The following RACK1 variants were observed in gnomAD, a reference collection of about 807,000 sequenced individuals.
RACK1 encodes the protein receptor for activated C kinase 1, also known as small ribosomal subunit protein RACK1.
Under a neutral mutation model 42.2 loss-of-function variants are expected in RACK1, and 3 were observed. The ratio of observed to expected loss-of-function variants is 0.07; its 90% CI spans 0.03 to 0.18. The LOEUF is 0.18. Among genes scored for constraint, RACK1 ranks in the 10% least tolerant of loss-of-function variants. RACK1 has a pLI of 1.00. For missense variants in RACK1, 146 were observed against 403.2 expected (o/e 0.36, Z 5.46); for synonymous variants, 181 against 154.8 (o/e 1.17, Z -1.25).
chr5:181,237,177 C>G (rs1759168996), intron 7 of RACK1, 135 bp from the exon 8 acceptor site: 1 of 1,499,430 alleles, frequency 6.7e-7, no homozygotes, highest in Non-Finnish European at 9.1e-7. Context: ...GGGTGCGATC[C>G]TGGCTCACTA....
intron 6 of RACK1, 167 bp from the exon 7 acceptor site, chr5:181,237,886 A>G: frequency 1.5e-6 from 1 of 660,092 alleles, no homozygotes; most frequent in South Asian, 1.8e-5. Flanking sequence ...ATGGTTTGCT[A>G]CTGACATCTA....
intron 2 of RACK1, 64 bp downstream of exon 2, chr5:181,242,110 G>T: frequency 1.4e-6 from 2 of 1,419,172 alleles, no homozygotes; most frequent in Non-Finnish European, 2.0e-6. Context: ...CCAGCCAATT[G>T]CATCCACCTC....
chr5:181,242,467 G>T, intron 1 of RACK1, 122 bp from the exon 2 acceptor site: 1 of 695,674 alleles, frequency 1.4e-6, no homozygotes, highest in South Asian at 1.7e-5. Context: ...GCTTAAGGAG[G>T]GATGGAAACA....
chr5:181,243,120 C>G, intron 1 of RACK1: 1 of 505,220 alleles, frequency 2.0e-6, no homozygotes, highest in Non-Finnish European at 3.3e-6. Context: ...CGATTAACAG[C>G]CAGACATGAT....
chr5:181,241,748 T>C lies in RACK1; in HGVS notation c.282-109A>G, dbSNP rs796586350. ...TCTCATTGCATCACTCATACAACCC[T>C]GGATTTGGCTCTGATCACAGAGTCA... On this transcript the variant is annotated intron_variant, in intron 2 of 7. Coordinates refer to ENST00000512805, the MANE Select transcript of RACK1 (RefSeq NM_006098.5). The C allele has an allele frequency of 9.8e-6, 12 of 1,218,744 alleles. No individual in the cohort carries two copies. In the African/African-American group the frequency reaches 1.3e-4, roughly 14 times the overall value. 75.5% of individuals were successfully genotyped at this position (1,218,744 alleles called of 1,614,324 possible). A position where few individuals can be genotyped will look rare whatever the true frequency, so the allele number is the denominator to read the frequency against.
intron 3 of RACK1, 135 bp downstream of exon 3, chr5:181,241,357 G>A (rs1259010152): frequency 3.1e-5 from 23 of 731,668 alleles, no homozygotes; most frequent in East Asian, 1.3e-4. Context: ...TTGAGCCCGG[G>A]AGGCAGAGGT....
chr5:181,243,042 G>C (rs1234153236), intron 1 of RACK1: 8 of 357,156 alleles, frequency 2.2e-5, no homozygotes, highest in African/African-American at 1.3e-4. Flanking sequence ...ATGAATGCTG[G>C]AAAAGCCACT....
chr5:181,239,792 C>T (rs1759271066), intron 3 of RACK1, among the ~76,000 whole-genome samples: 1 of 152,202 alleles, frequency 6.6e-6, no homozygotes, highest in Non-Finnish European at 1.5e-5. Flanking sequence ...AAGCTCACGC[C>T]TCTAATCCCA....
In RACK1 at chr5:181,237,601, C is replaced by T. The variant is rs774000057; in HGVS notation, c.888+8G>A. On this transcript the variant is annotated splice_region_variant and intron_variant, in intron 7 of 7. Transcript: ENST00000512805. ...AGCAGAATCACCTGAGAGGACAGAC[C>T]CACTTACCTGGCCATCAGCAGACCA... 16 of 1,458,636 alleles carry T rather than the reference C, an allele frequency of 1.1e-5. No individual in the cohort carries two copies. The South Asian group carries it at 1.7e-4, about 16-fold the overall frequency. 90.4% of individuals were successfully genotyped at this position (1,458,636 alleles called of 1,614,324 possible).
At position 181,238,835 on chromosome 5, in the gene RACK1, CAAA is replaced by C. The variant is rs911013530; in HGVS notation, c.636+229_636+231del. The C allele has an allele frequency of 5.4e-4, 270 of 500,384 alleles. 2 individuals are homozygous for C. Among genetic ancestry groups the C allele is most frequent in the Middle Eastern group, 1.0e-3 (2 of 1,906 alleles). The allele number at this position is 500,384 out of a possible 1,614,324, so 31.0% of individuals were successfully genotyped here. On this transcript the variant is annotated intron_variant, in intron 5 of 7. Transcript: ENST00000512805. Reference sequence around the variant, plus strand: ...AAAAAACAAACAAACAAAAAAACAACAAAAAAAACCCACAGGCTTATAGAAAAT... The same window carrying C: ...AAAAAACAAACAAACAAAAAAACAACAAAAACCCACAGGCTTATAGAAAAT...
At chr5:181,241,745 C>A in intron 2 of RACK1, 106 bp from the exon 3 acceptor site, 1 of 1,258,930 alleles carries the variant, frequency 7.9e-7, no homozygotes. Flanking sequence ...ACTCATACAA[C>A]CCTGGATTTG....
chr5:181,239,717 T>C (rs537435460), intron 3 of RACK1, 135 bp from the exon 4 acceptor site: 53 of 592,220 alleles, frequency 8.9e-5, no homozygotes, highest in Non-Finnish European at 1.2e-4. Context: ...TTAAGCTCAA[T>C]AGAATCCCTT....
intron 3 of RACK1, 137 bp downstream of exon 3, chr5:181,241,355 G>A (rs1429954775): frequency 2.4e-5 from 17 of 721,570 alleles, no homozygotes; most frequent in Non-Finnish European, 3.2e-5. Flanking sequence ...CCTTGAGCCC[G>A]GGAGGCAGAG....
At chr5:181,239,786 T>C (rs1410126605) in intron 3 of RACK1, among the ~76,000 whole-genome samples, 1 of 152,180 alleles carries the variant, frequency 6.6e-6, no homozygotes, top group Non-Finnish European at 1.5e-5. Flanking sequence ...ACGCAGAAGC[T>C]CACGCCTCTA....
chr5:181,238,069 G>C (rs1190061609), intron 6 of RACK1, 30 bp downstream of exon 6: 2 of 1,612,420 alleles, frequency 1.2e-6, no homozygotes, highest in Non-Finnish European at 1.7e-6. Context: ...AGTGCAGCCA[G>C]GTACCCAGTC....
At chr5:181,238,951 T>C in intron 5 of RACK1, 116 bp downstream of exon 5, 1 of 779,708 alleles carries the variant, frequency 1.3e-6, no homozygotes, top group Non-Finnish European at 2.4e-6. Context: ...ATTATCTCAT[T>C]ATCCTCCTAA....
intron 6 of RACK1, 170 bp from the exon 7 acceptor site, chr5:181,237,889 G>A: frequency 3.0e-6 from 2 of 661,462 alleles, no homozygotes; most frequent in South Asian, 3.6e-5. Context: ...GTTTGCTACT[G>A]ACATCTAGTA....
intron 5 of RACK1, 199 bp from the exon 6 acceptor site, chr5:181,238,438 C>T: frequency 1.8e-6 from 1 of 553,400 alleles, no homozygotes; most frequent in South Asian, 2.3e-5. Flanking sequence ...CATCAAAAAA[C>T]CCCTCCCAAC....
At chr5:181,242,562 CTT>C (rs747756072) in intron 1 of RACK1, 4 of 595,128 alleles carry the variant, frequency 6.7e-6, no homozygotes, top group East Asian at 3.4e-5. Context: ...ACCCTGATAA[CTT>C]TTTTTTTTCT....
Sources: allele counts gnomAD v4.1 joint callset (sites outside exome capture counted in the v4.1 genomes callset), GRCh38; gene constraint gnomAD v4.1.1; transcripts MANE v1.5; gene names NCBI Gene and HGNC (gene_info 2026-07-23, HGNC 2026-07-21).